Variants in ALDH1A2 observed in about 807,000 individuals in gnomAD.
The protein encoded by ALDH1A2 is retinal dehydrogenase 2.
ALDH1A2 carries 27 observed loss-of-function variants against 60.3 expected under a neutral mutation model. The ratio of observed to expected loss-of-function variants is 0.45; its 90% confidence interval spans 0.33 to 0.62. The LOEUF (loss-of-function observed/expected upper bound fraction) is 0.62. Ranked by LOEUF, ALDH1A2 falls within the 20% of genes least tolerant of loss-of-function variation. The pLI, the probability that ALDH1A2 is intolerant of heterozygous loss-of-function variation, is 0.02. For missense variants in ALDH1A2, 581 were observed against 643.8 expected (o/e 0.90, Z 1.06); for synonymous variants, 289 against 232.4 (o/e 1.24, Z -2.21).
chr15:58,024,900 C>A (rs760372436), intron 1 of ALDH1A2, among the ~76,000 whole-genome samples: 2 of 152,064 alleles, frequency 1.3e-5, no homozygotes, highest in Non-Finnish European at 2.9e-5. Flanking sequence ...GGAAACGATA[C>A]AAATACATGG....
At chr15:57,981,289 AACAC>A (rs775138747) in intron 7 of ALDH1A2, among the ~76,000 whole-genome samples, 2,710 of 142,088 alleles carry the variant, frequency 0.019, 52 homozygotes, top group African/African-American at 0.052. Flanking sequence ...TAGAAGAGCA[AACAC>A]ACACACACAC....
intron 11 of ALDH1A2, 28 bp from the exon 12 acceptor site, chr15:57,960,872 G>T: frequency 6.3e-7 from 1 of 1,599,116 alleles, no homozygotes; most frequent in South Asian, 1.1e-5. Flanking sequence ...AGCACTGTGA[G>T]TTCGTGTGAA....
chr15:58,058,526 T>C (rs1479808207), intron 1 of ALDH1A2, among the ~76,000 whole-genome samples: 3 of 142,868 alleles, frequency 2.1e-5, no homozygotes, highest in Non-Finnish European at 3.1e-5. Context: ...GTCCAATGAA[T>C]AGATGGATGA....
At chr15:58,054,650 C>T (rs1438269944) in intron 1 of ALDH1A2, among the ~76,000 whole-genome samples, 1 of 152,092 alleles carries the variant, frequency 6.6e-6, no homozygotes, top group Non-Finnish European at 1.5e-5. Flanking sequence ...CACTGGGGCA[C>T]AGAAAGCATT....
chr15:58,005,069 G>A (rs543121322), intron 4 of ALDH1A2, among the ~76,000 whole-genome samples: 1 of 151,904 alleles, frequency 6.6e-6, no homozygotes, highest in South Asian at 2.1e-4. Context: ...CAGCATGGCT[G>A]ACCCAGACTT....
chr15:58,023,622 C>T (rs1186551021), intron 1 of ALDH1A2, among the ~76,000 whole-genome samples: 1 of 135,084 alleles, frequency 7.4e-6, no homozygotes, highest in African/African-American at 2.8e-5. Flanking sequence ...ACCTTACAGG[C>T]CAGAAGAGAA....
chr15:57,981,309 CACACACACACACACACACAG>C (rs1384478046), intron 7 of ALDH1A2, among the ~76,000 whole-genome samples: 14 of 151,188 alleles, frequency 9.3e-5, no homozygotes, highest in African/African-American at 3.4e-4. Context: ...CACACACACA[CACACACACACACACACACAG>C]ACACACACAA....
chr15:58,026,346 T>C (rs543449030), intron 1 of ALDH1A2, among the ~76,000 whole-genome samples: 11 of 152,256 alleles, frequency 7.2e-5, no homozygotes, highest in South Asian at 2.1e-4. Context: ...ATCATCTCAA[T>C]AGATGCAGAA....
At chr15:58,021,556 C>T (rs1489075978) in intron 1 of ALDH1A2, among the ~76,000 whole-genome samples, 1 of 152,232 alleles carries the variant, frequency 6.6e-6, no homozygotes, top group Non-Finnish European at 1.5e-5. Flanking sequence ...ACACAGGGAG[C>T]TGCCAAGAGA....
intron 1 of ALDH1A2, among the ~76,000 whole-genome samples, chr15:58,046,779 CCCA>C (rs1256601188): frequency 2.0e-5 from 3 of 152,018 alleles, no homozygotes; most frequent in Non-Finnish European, 2.9e-5. Context: ...TTTGGTTTCC[CCCA>C]CATCTTAACA....
intron 1 of ALDH1A2, among the ~76,000 whole-genome samples, chr15:58,035,753 TAATCTGAG>T (rs1298486260): frequency 1.6e-4 from 24 of 151,774 alleles, no homozygotes; most frequent in Non-Finnish European, 3.4e-4. Context: ...AATTCCACTG[TAATCTGAG>T]AATATCTTTT....
At chr15:58,024,078 AG>A (rs1896006595) in intron 1 of ALDH1A2, among the ~76,000 whole-genome samples, 1 of 152,158 alleles carries the variant, frequency 6.6e-6, no homozygotes, top group African/African-American at 2.4e-5. Flanking sequence ...GGGCAACAAA[AG>A]CAAAATTCCA....
intron 12 of ALDH1A2, among the ~76,000 whole-genome samples, chr15:57,958,735 A>C (rs1269611297): frequency 1.3e-5 from 2 of 152,230 alleles, no homozygotes; most frequent in African/African-American, 4.8e-5. Flanking sequence ...GGGGACCAAG[A>C]CAGAGCAGCT....
At chr15:58,052,927 C>T (rs1298054758) in intron 1 of ALDH1A2, among the ~76,000 whole-genome samples, 1 of 152,156 alleles carries the variant, frequency 6.6e-6, no homozygotes, top group Admixed American at 6.5e-5. Flanking sequence ...TTTCAAAACA[C>T]TTTACCTTGG....
intron 11 of ALDH1A2, 35 bp downstream of exon 11, chr15:57,961,102 A>T (rs1223208150): frequency 1.2e-6 from 2 of 1,611,802 alleles, no homozygotes; most frequent in South Asian, 2.2e-5. Flanking sequence ...CTATACCACC[A>T]GTGGAATTTG....
intron 7 of ALDH1A2, among the ~76,000 whole-genome samples, chr15:57,968,155 CA>C (rs1172916559): frequency 1.3e-5 from 2 of 152,074 alleles, no homozygotes; most frequent in Admixed American, 1.3e-4. Flanking sequence ...ATTTTAAAGT[CA>C]AGGAAGATAA....
chr15:58,064,165 A>C (rs1897114039), intron 1 of ALDH1A2, among the ~76,000 whole-genome samples: 1 of 152,146 alleles, frequency 6.6e-6, no homozygotes, highest in African/African-American at 2.4e-5. Flanking sequence ...CTCATAAAAT[A>C]AAACTTCTAA....
intron 5 of ALDH1A2, among the ~76,000 whole-genome samples, chr15:57,994,701 T>C (rs1420861527): frequency 6.6e-6 from 1 of 152,126 alleles, no homozygotes; most frequent in African/African-American, 2.4e-5. Context: ...GATTAAAAGA[T>C]CATATAAAAT....
chr15:58,038,332 G>A (rs1478937032), intron 1 of ALDH1A2, among the ~76,000 whole-genome samples: 13 of 151,564 alleles, frequency 8.6e-5, no homozygotes, highest in African/African-American at 2.7e-4. Context: ...CCTTATCCCA[G>A]GGATAAGGAT....
Sources: allele counts gnomAD v4.1 joint callset (sites outside exome capture counted in the v4.1 genomes callset), GRCh38; gene constraint gnomAD v4.1.1; transcripts MANE v1.5; gene names NCBI Gene and HGNC (gene_info 2026-07-23, HGNC 2026-07-21).